The following CUL4B variants were observed in gnomAD, a reference collection of about 807,000 sequenced individuals.
CUL4B encodes the protein cullin-4B.
In CUL4B, 1 loss-of-function variant was observed where a neutral mutation model predicts 69.2. The ratio of observed to expected loss-of-function variants is 0.01; its 90% CI spans 0.01 to 0.07. The LOEUF (loss-of-function observed/expected upper bound fraction) is 0.07. CUL4B is among the 10% of genes least tolerant of loss of function. CUL4B has a pLI of 1.00. For missense variants in CUL4B, 328 were observed against 638.8 expected (o/e 0.51, Z 5.24); for synonymous variants, 237 against 223.2 (o/e 1.06, Z -0.55).
intron 2 of CUL4B, among the ~76,000 whole-genome samples, chrX:120,556,899 T>C (rs1209189290): frequency 1.3e-5 from 1 of 76,135 alleles, no homozygotes; most frequent in Admixed American, 1.9e-4. Context: ...TATTGTACTC[T>C]GAAGTATATA....
intron 16 of CUL4B, 58 bp downstream of exon 16, chrX:120,535,772 A>C: frequency 1.5e-6 from 1 of 676,560 alleles, no homozygotes; most frequent in Non-Finnish European, 2.4e-6. Flanking sequence ...GTTAAGAAGG[A>C]TGACCTAAAC....
At chrX:120,528,431 T>C (rs1443017387) in intron 19 of CUL4B, among the ~76,000 whole-genome samples, 3 of 97,121 alleles carry the variant, frequency 3.1e-5, no homozygotes, top group Non-Finnish European at 6.2e-5. Flanking sequence ...AAATCACTAT[T>C]TAAAAGAATA....
chrX:120,566,348 T>TATATATAC (rs1453525653), upstream of CUL4B, among the ~76,000 whole-genome samples: 1 of 13,485 alleles, frequency 7.4e-5, no homozygotes, highest in East Asian at 2.0e-3. Context: ...TGTATAGGTA[T>TATATATAC]ATATATATAT....
At chrX:120,565,541 G>T (rs757189952), upstream of CUL4B, among the ~76,000 whole-genome samples, 99 of 104,153 alleles carry the variant, frequency 9.5e-4, no homozygotes, top group South Asian at 2.3e-3. Context: ...AATTAGCCAG[G>T]CCTGGTGGTG....
At chrX:120,539,817 T>A (rs962916392) in intron 11 of CUL4B, among the ~76,000 whole-genome samples, 2 of 111,993 alleles carry the variant, frequency 1.8e-5, no homozygotes, top group Admixed American at 1.9e-4. Context: ...AGGTAAAATT[T>A]GCTACATGTT....
At position 120,560,615 on chromosome X, in the gene CUL4B, G is replaced by A. The variant is rs1043741597; in HGVS notation, c.24C>T (p.Ser8=). The A allele has an allele frequency of 8.3e-7, 1 of 1,205,370 alleles. No individual in the cohort carries two copies. The highest frequency in any genetic ancestry group is 1.8e-5 in the South Asian group (1 of 56,662). The stretch of plus-strand genomic sequence containing the variant: ...CAGCAGCAGCAGCTGAGGGACTGGG[G>A]GAAGAAAAACCTGTTGGAAACATGA... MFPTGFS[S]PSPSAAAAAQ... Residue 8 remains serine, a synonymous_variant, in exon 1 of 20, where the codon TCC becomes TCT. Coordinates refer to ENST00000371322, the MANE Select transcript of CUL4B (RefSeq NM_001079872.2).
At chrX:120,538,605 C>G in intron 13 of CUL4B, 55 bp downstream of exon 13, 1 of 806,612 alleles carries the variant, frequency 1.2e-6, no homozygotes, top group East Asian at 3.1e-5. Flanking sequence ...GGGTAAAAAG[C>G]TAACATTCTC....
intron 2 of CUL4B, among the ~76,000 whole-genome samples, chrX:120,549,222 T>TA (rs1450494217): frequency 8.9e-6 from 1 of 112,282 alleles, no homozygotes; most frequent in Non-Finnish European, 1.9e-5. Flanking sequence ...AGAAGTCACA[T>TA]TCCCAATATG....
At chrX:120,548,186 A>G (rs1174282927) in intron 2 of CUL4B, among the ~76,000 whole-genome samples, 1 of 111,257 alleles carries the variant, frequency 9.0e-6, no homozygotes, top group African/African-American at 3.3e-5. Flanking sequence ...AGGCAGGAGG[A>G]TCACTTGAGC....
At chrX:120,527,466 A>G (rs968053450) in intron 19 of CUL4B, among the ~76,000 whole-genome samples, 3 of 109,720 alleles carry the variant, frequency 2.7e-5, no homozygotes, top group Non-Finnish European at 5.7e-5. Flanking sequence ...GGCTGACCTT[A>G]AACTCTTGTT....
Position 120,543,752 on chromosome X carries a change from T to G in CUL4B, c.1231A>C (p.Ile411Leu), listed in dbSNP as rs763781389. ...KRLEEEADRL[I>L]TYLDQTTQKS... is the part of the protein sequence containing the mutation. Reference sequence around the variant, plus strand: ...TGGGTGGTCTGATCTAAGTAAGTAATAAGTCTGTCTGCTTCTTCTTCTAGA... The same window carrying G: ...TGGGTGGTCTGATCTAAGTAAGTAAGAAGTCTGTCTGCTTCTTCTTCTAGA... The change falls in exon 8 of 20, where the codon ATT (isoleucine) becomes CTT (leucine). Residue 411 changes from isoleucine (I) to leucine (L), a missense_variant. This residue lies in a region of CUL4B where 126 missense variants were observed against 202.5 expected (regional missense o/e 0.62). Coordinates refer to ENST00000371322, the MANE Select transcript of CUL4B (RefSeq NM_001079872.2). 4 of 1,200,000 alleles carry G rather than the reference T, an allele frequency of 3.3e-6. No individual in the cohort carries two copies. The highest frequency in any genetic ancestry group is 3.5e-5 in the African/African-American group (2 of 57,041).
rs113251042 is a variant in CUL4B at position 120,535,475 on chromosome X, C to T, written c.2160+355G>A. Among the ~76,000 whole-genome samples, 493 of 109,996 alleles carry T rather than the reference C, an allele frequency of 4.5e-3. 5 individuals are homozygous for T. The highest frequency in any genetic ancestry group is 0.016 in the African/African-American group (473 of 30,275). ...ATCCCAGCACTTTAGGAGGCCGAGG[C>T]GCGTGGATCACAAGGTCAAGAGACA... is the stretch of plus-strand genomic sequence containing the variant. On this transcript the variant is annotated intron_variant, in intron 16 of 19. Coordinates refer to ENST00000371322, the MANE Select transcript of CUL4B (RefSeq NM_001079872.2).
Position 120,530,216 on chromosome X carries a change from T to C in CUL4B, c.2478A>G (p.Gln826=). The C allele has an allele frequency of 8.3e-7, 1 of 1,210,820 alleles. No homozygotes were observed. The highest frequency in any genetic ancestry group is 1.1e-6 in the Non-Finnish European group (1 of 894,795). Residue 826 remains glutamine (Q), a synonymous_variant, in exon 19 of 20, where the codon CAA becomes CAG. Coordinates refer to ENST00000371322, the MANE Select transcript of CUL4B (RefSeq NM_001079872.2). ...CAGCATCAATTTGATACTGTCTGTC[T>C]TGAAATACTCTTTCTGTAGTGCTTG... is the stretch of plus-strand genomic sequence containing the variant. The part of the protein sequence containing the change: ...EQASTTERVF[Q]DRQYQIDAAI...
chrX:120,573,968 CGCGT>C (rs948141142), intron 2 of CUL4B, among the ~76,000 whole-genome samples: 2 of 110,770 alleles, frequency 1.8e-5, no homozygotes, highest in African/African-American at 3.3e-5. Flanking sequence ...GGATTACAGG[CGCGT>C]GCCGTTACCA....
downstream of CUL4B, among the ~76,000 whole-genome samples, chrX:120,570,530 G>GA (rs779112530): frequency 9.4e-4 from 104 of 110,930 alleles, no homozygotes; most frequent in African/African-American, 3.2e-3. Context: ...TTCCTTAACA[G>GA]AAAAAAAAAT....
At chrX:120,527,727 G>A (rs1043853230) in intron 19 of CUL4B, among the ~76,000 whole-genome samples, 6 of 111,887 alleles carry the variant, frequency 5.4e-5, no homozygotes, top group Non-Finnish European at 1.1e-4. Flanking sequence ...TGTCAAATGA[G>A]GTAAAGTGTG....
chrX:120,534,720 G>A (rs1252343336), intron 16 of CUL4B, 134 bp from the exon 17 acceptor site: 1 of 499,616 alleles, frequency 2.0e-6, no homozygotes, highest in African/African-American at 2.3e-5. Context: ...AAAGCCACTT[G>A]ACGTGGTAAT....
At chrX:120,541,082 A>C (rs191705957) in intron 10 of CUL4B, among the ~76,000 whole-genome samples, 299 of 112,821 alleles carry the variant, frequency 2.7e-3, no homozygotes, top group Non-Finnish European at 4.2e-3. Flanking sequence ...TAAGTGGTAG[A>C]GACAGAAATT....
At chrX:120,547,810 G>A (rs1924426197) in intron 2 of CUL4B, among the ~76,000 whole-genome samples, 1 of 111,063 alleles carries the variant, frequency 9.0e-6, no homozygotes, top group African/African-American at 3.3e-5. Flanking sequence ...AGCTTCCAGT[G>A]AATATAAAGC....
Sources: gnomAD v4.1 joint callset for allele counts (sites outside exome capture counted in the v4.1 genomes callset) on GRCh38, gnomAD v4.1.1 for gene constraint, gnomAD v4.1.1 regional missense constraint, MANE v1.5 for transcripts, NCBI Gene and HGNC (gene_info 2026-07-23, HGNC 2026-07-21) for gene names.